The following ANKRD6 variants were observed in gnomAD, a reference collection of about 807,000 sequenced individuals.
ANKRD6 encodes the protein ankyrin repeat domain 6.
Under a neutral mutation model 82.3 loss-of-function variants are expected in ANKRD6, and 56 were observed. That is an observed-to-expected ratio of 0.68 (90% CI 0.55 to 0.85). ANKRD6 has a LOEUF of 0.85. Among genes scored for constraint, ANKRD6 ranks in the 40% least tolerant of loss-of-function variants. The pLI, the probability that ANKRD6 is intolerant of heterozygous loss-of-function variation, is 0.00. For missense variants in ANKRD6, 852 were observed against 907.6 expected, an observed-to-expected ratio of 0.94 and a Z score of 0.79; for synonymous variants, 347 against 352.1, an observed-to-expected ratio of 0.99 and a Z score of 0.16.
chr6:89,499,273 A>G (rs1446786501), intron 1 of ANKRD6, among the ~76,000 whole-genome samples: 1 of 152,280 alleles, frequency 6.6e-6, no homozygotes, highest in Middle Eastern at 3.4e-3. Flanking sequence ...GTAATGGTAA[A>G]CTGTCACCAA....
intron 1 of ANKRD6, among the ~76,000 whole-genome samples, chr6:89,482,993 T>G (rs1216530654): frequency 1.3e-5 from 2 of 152,230 alleles, no homozygotes. Context: ...CATATTGATC[T>G]ATAAACAAAC....
chr6:89,487,873 A>C (rs770949194), intron 1 of ANKRD6, among the ~76,000 whole-genome samples: 2 of 152,244 alleles, frequency 1.3e-5, no homozygotes, highest in Admixed American at 6.5e-5. Flanking sequence ...AAGTGCATGA[A>C]ATTAGCTACA....
chr6:89,502,507 G>A (rs933156171), intron 1 of ANKRD6, among the ~76,000 whole-genome samples: 1 of 150,440 alleles, frequency 6.6e-6, no homozygotes, highest in Admixed American at 6.6e-5. Context: ...ATGGCAAAGC[G>A]TTATTATTTA....
intron 1 of ANKRD6, among the ~76,000 whole-genome samples, chr6:89,541,776 C>T (rs1378546611): frequency 6.6e-6 from 1 of 151,126 alleles, no homozygotes; most frequent in East Asian, 1.9e-4. Context: ...TTTGTCAGTT[C>T]CTATATATAG....
chr6:89,482,438 A>G (rs1356632433), intron 1 of ANKRD6, among the ~76,000 whole-genome samples: 1 of 152,198 alleles, frequency 6.6e-6, no homozygotes, highest in Non-Finnish European at 1.5e-5. Context: ...TGCTTTTTAA[A>G]TCAATTTTTT....
chr6:89,609,888 C>T (rs929150872), intron 5 of ANKRD6, among the ~76,000 whole-genome samples: 22 of 152,106 alleles, frequency 1.4e-4, no homozygotes, highest in African/African-American at 2.7e-4. Flanking sequence ...GGATTACAGG[C>T]GTGAACCACT....
chr6:89,593,543 A>G (rs941105949), intron 2 of ANKRD6, among the ~76,000 whole-genome samples: 1 of 152,212 alleles, frequency 6.6e-6, no homozygotes, highest in Admixed American at 6.5e-5. Context: ...ACCTCTTTCC[A>G]GAATCATTCT....
chr6:89,527,621 A>AAAAAAAG (rs1554227725), intron 1 of ANKRD6, among the ~76,000 whole-genome samples: 16 of 148,750 alleles, frequency 1.1e-4, no homozygotes, highest in African/African-American at 3.6e-4. Context: ...AAAAAAAAAA[A>AAAAAAAG]AAAAAGAAAA....
intron 1 of ANKRD6, among the ~76,000 whole-genome samples, chr6:89,513,281 T>G (rs1355189105): frequency 6.6e-6 from 1 of 152,180 alleles, no homozygotes; most frequent in East Asian, 1.9e-4. Context: ...AAAATACAGA[T>G]TGATGAATTT....
chr6:89,629,825 T>C (rs1229337799), intron 15 of ANKRD6, among the ~76,000 whole-genome samples: 2 of 152,202 alleles, frequency 1.3e-5, no homozygotes, highest in Non-Finnish European at 2.9e-5. Context: ...TATAAGTGCT[T>C]TGTGTTACCA....
intron 1 of ANKRD6, among the ~76,000 whole-genome samples, chr6:89,525,192 G>T (rs1032068148): frequency 1.1e-4 from 17 of 151,752 alleles, no homozygotes; most frequent in Admixed American, 3.3e-4. Context: ...TACTAGGGAG[G>T]CTGAGGCAGG....
intron 1 of ANKRD6, among the ~76,000 whole-genome samples, chr6:89,489,651 AT>A (rs1777792771): frequency 6.6e-6 from 1 of 152,188 alleles, no homozygotes; most frequent in Non-Finnish European, 1.5e-5. Flanking sequence ...TATAATGGGG[AT>A]TTGGACAGTG....
At chr6:89,461,742 C>G (rs1774169952) in intron 1 of ANKRD6, among the ~76,000 whole-genome samples, 1 of 152,108 alleles carries the variant, frequency 6.6e-6, no homozygotes, top group Admixed American at 6.6e-5. Context: ...AGAAATGAAT[C>G]AACATTCAAC....
intron 2 of ANKRD6, among the ~76,000 whole-genome samples, chr6:89,584,825 T>C (rs934447999): frequency 6.6e-6 from 1 of 152,164 alleles, no homozygotes; most frequent in Non-Finnish European, 1.5e-5. Context: ...GGATGGGAAG[T>C]CTTAAGATCA....
chr6:89,472,217 C>T (rs1239126764), intron 1 of ANKRD6, among the ~76,000 whole-genome samples: 3 of 152,090 alleles, frequency 2.0e-5, no homozygotes, highest in Non-Finnish European at 4.4e-5. Context: ...ACAGTAATGA[C>T]CTCATCTTAA....
At chr6:89,475,248 C>A (rs909937182) in intron 1 of ANKRD6, among the ~76,000 whole-genome samples, 2 of 152,264 alleles carry the variant, frequency 1.3e-5, no homozygotes, top group East Asian at 3.9e-4. Flanking sequence ...GAGCCCAAAC[C>A]TAAAATCTGG....
chr6:89,623,117 T>C (rs1804219099), intron 10 of ANKRD6, among the ~76,000 whole-genome samples: 1 of 151,682 alleles, frequency 6.6e-6, no homozygotes, highest in South Asian at 2.1e-4. Context: ...AATGCTGAGG[T>C]GTTTTGTGTC....
intron 1 of ANKRD6, among the ~76,000 whole-genome samples, chr6:89,530,317 G>A (rs1782983896): frequency 6.6e-6 from 1 of 151,900 alleles, no homozygotes; most frequent in Non-Finnish European, 1.5e-5. Context: ...GACATGAAGT[G>A]AGCACATGTC....
At chr6:89,594,109 A>G (rs1297959095) in intron 2 of ANKRD6, among the ~76,000 whole-genome samples, 1 of 152,204 alleles carries the variant, frequency 6.6e-6, no homozygotes, top group African/African-American at 2.4e-5. Flanking sequence ...TGAAAAACAA[A>G]TCTCAAAAAT....
Sources: gnomAD v4.1 joint callset for allele counts (sites outside exome capture counted in the v4.1 genomes callset) on GRCh38, gnomAD v4.1.1 for gene constraint, MANE v1.5 for transcripts, NCBI Gene and HGNC (gene_info 2026-07-23, HGNC 2026-07-21) for gene names.